The following SEPTIN6 variants were observed in gnomAD, a reference collection of about 807,000 sequenced individuals.
SEPTIN6 encodes the protein septin-6.
Under a neutral mutation model 33.6 loss-of-function variants are expected in SEPTIN6, and 8 were observed. That is an observed-to-expected ratio of 0.24 (90% confidence interval 0.14 to 0.43). SEPTIN6 has a LOEUF of 0.43. Among genes scored for constraint, SEPTIN6 ranks in the 20% least tolerant of loss-of-function variants. The pLI is 1.00. For missense variants in SEPTIN6, 250 were observed against 340.8 expected (o/e 0.73, Z 2.10); for synonymous variants, 131 against 140.0 (o/e 0.94, Z 0.45).
chrX:119,645,236 CTTTTTTTTTTT>C (rs757199588), intron 5 of SEPTIN6, among the ~76,000 whole-genome samples: 1 of 71,170 alleles, frequency 1.4e-5, no homozygotes, highest in Non-Finnish European at 2.5e-5. Context: ...AAGGCCCTAC[CTTTTTTTTTTT>C]TTTTTTTTTT....
intron 1 of SEPTIN6, among the ~76,000 whole-genome samples, chrX:119,679,217 C>T (rs1365276289): frequency 8.9e-6 from 1 of 111,856 alleles, no homozygotes; most frequent in African/African-American, 3.2e-5. Flanking sequence ...GCTGGGATTA[C>T]AGGCATGAGC....
intron 10 of SEPTIN6, among the ~76,000 whole-genome samples, chrX:119,625,122 C>T (rs1160477353): frequency 2.7e-5 from 3 of 111,916 alleles, no homozygotes; most frequent in Non-Finnish European, 5.6e-5. Context: ...TGAAAACGAC[C>T]CCTCACTTTA....
At chrX:119,667,470 A>C (rs181879352) in intron 2 of SEPTIN6, among the ~76,000 whole-genome samples, 34 of 111,619 alleles carry the variant, frequency 3.0e-4, no homozygotes, top group African/African-American at 9.7e-4. Context: ...GTCTGGAAGA[A>C]AAGAACACCC....
intron 2 of SEPTIN6, among the ~76,000 whole-genome samples, chrX:119,667,008 A>G (rs2054652195): frequency 9.0e-6 from 1 of 110,733 alleles, no homozygotes; most frequent in Admixed American, 9.6e-5. Context: ...TCATCTTCCT[A>G]TGTGCCTGAT....
rs2053719018 is a variant in SEPTIN6, at chrX:119,619,834, C to T, written c.*259G>A. 3.8e-6 allele frequency: 4 copies of T among 1,056,882 alleles called. No homozygotes were observed. Among genetic ancestry groups the T allele is most frequent in the Non-Finnish European group, 4.9e-6 (4 of 819,705 alleles). 87.1% of individuals were successfully genotyped at this position (1,056,882 alleles called of 1,213,427 possible). Reference sequence around the variant, plus strand: ...ATGGCTGGGGGTGCTGGGAGGGGGACTGGGATGCAGGATGCATCTGCGAGC... The same window carrying T: ...ATGGCTGGGGGTGCTGGGAGGGGGATTGGGATGCAGGATGCATCTGCGAGC... On this transcript the variant is annotated 3_prime_UTR_variant, in exon 11 of 11. Coordinates refer to ENST00000394610, the MANE Select transcript of SEPTIN6 (RefSeq NM_145799.4).
rs2054325521 is a variant in SEPTIN6 at position 119,649,950 on chromosome X, T to C, written c.677A>G (p.Asn226Ser). Reference sequence around the variant, plus strand: ...GCTCCCACTCACGTTCATGGTTCCATTGATCTCTGCCACCGACTCATCATC... The same window carrying C: ...GCTCCCACTCACGTTCATGGTTCCACTGATCTCTGCCACCGACTCATCATC... ...PTDDESVAEI[N>S]GTMNAHLPFA... Residue 226 changes from asparagine (N) to serine (S), a missense_variant, in exon 5 of 11, where the codon AAT (asparagine) becomes AGT (serine). Coordinates refer to ENST00000394610, the MANE Select transcript of SEPTIN6 (RefSeq NM_145799.4). The C allele has an allele frequency of 1.7e-6, 2 of 1,209,223 alleles. No individual in the cohort carries two copies. Among genetic ancestry groups the C allele is most frequent in the Non-Finnish European group, 1.1e-6 (1 of 894,301 alleles).
intron 2 of SEPTIN6, among the ~76,000 whole-genome samples, chrX:119,669,024 G>C (rs1305933105): frequency 8.9e-6 from 1 of 111,738 alleles, no homozygotes; most frequent in African/African-American, 3.3e-5. Flanking sequence ...TTATGAGTGA[G>C]AACATACAAT....
chrX:119,658,243 T>C, intron 3 of SEPTIN6, among the ~76,000 whole-genome samples: 1 of 112,027 alleles, frequency 8.9e-6, no homozygotes, highest in Non-Finnish European at 1.9e-5. Flanking sequence ...TAGAGAGAAA[T>C]ATTTGTGGTT....
At chrX:119,630,430 A>G (rs1349304872) in intron 8 of SEPTIN6, among the ~76,000 whole-genome samples, 1 of 112,256 alleles carries the variant, frequency 8.9e-6, no homozygotes, top group African/African-American at 3.2e-5. Flanking sequence ...AGTCAAGGAA[A>G]TACTTGGCTT....
intron 9 of SEPTIN6, among the ~76,000 whole-genome samples, chrX:119,625,843 G>A (rs1395483127): frequency 1.8e-5 from 2 of 111,646 alleles, no homozygotes; most frequent in Non-Finnish European, 3.8e-5. Flanking sequence ...GAGCCACCAC[G>A]GCTGGCCAGT....
intron 1 of SEPTIN6, among the ~76,000 whole-genome samples, chrX:119,691,818 G>A (rs1429625011): frequency 1.8e-5 from 2 of 111,935 alleles, no homozygotes; most frequent in East Asian, 5.6e-4. Context: ...CTACAAGGTT[G>A]AAAAACATTT....
chrX:119,683,763 C>T (rs946354308), intron 1 of SEPTIN6, among the ~76,000 whole-genome samples: 24 of 111,110 alleles, frequency 2.2e-4, no homozygotes, highest in Non-Finnish European at 1.1e-4. Flanking sequence ...TATGATGATA[C>T]TTTCCTGGGT....
At position 119,617,809 on chromosome X, in the gene SEPTIN6, G is replaced by A. The variant is rs1187794446; in HGVS notation, c.*2284C>T. On this transcript the variant is annotated 3_prime_UTR_variant, in exon 11 of 11. Coordinates refer to ENST00000394610, the MANE Select transcript of SEPTIN6 (RefSeq NM_145799.4). ...CCTTACGGAGTAAGTAGGTTATATC[G>A]TCTTACTGACTAAAATGTCTCCCTT... 1.0e-5 allele frequency: 8 copies of A among 793,884 alleles called. No individual in the cohort carries two copies. In the Admixed American group the frequency reaches 3.1e-4, roughly 31 times the overall value. 65.4% of individuals were successfully genotyped at this position (793,884 alleles called of 1,213,427 possible). A position where few individuals can be genotyped will look rare whatever the true frequency, so the allele number is the denominator to read the frequency against.
At chrX:119,690,406 T>C (rs1401402435) in intron 1 of SEPTIN6, among the ~76,000 whole-genome samples, 1 of 105,774 alleles carries the variant, frequency 9.5e-6, no homozygotes, top group Non-Finnish European at 1.9e-5. Flanking sequence ...CTTACTCGCA[T>C]GGTACCACGT....
intron 5 of SEPTIN6, among the ~76,000 whole-genome samples, chrX:119,643,393 C>T (rs1423313752): frequency 2.8e-5 from 3 of 105,597 alleles, no homozygotes; most frequent in Non-Finnish European, 3.9e-5. Flanking sequence ...TCTCTGAGCT[C>T]GAGGAAAAAA....
At chrX:119,666,442 T>C (rs756307384) in intron 2 of SEPTIN6, among the ~76,000 whole-genome samples, 2 of 112,289 alleles carry the variant, frequency 1.8e-5, no homozygotes, top group African/African-American at 6.5e-5. Context: ...TCCCAAATAA[T>C]GAGCTATGAA....
chrX:119,657,798 CCACCGCGCT>C (rs1214904976), intron 3 of SEPTIN6, among the ~76,000 whole-genome samples: 1 of 111,870 alleles, frequency 8.9e-6, no homozygotes, highest in Non-Finnish European at 1.9e-5. Flanking sequence ...GAGGTAAGAG[CCACCGCGCT>C]TAACCTAAAT....
At chrX:119,623,599 A>C (rs2053804521) in intron 10 of SEPTIN6, among the ~76,000 whole-genome samples, 1 of 112,228 alleles carries the variant, frequency 8.9e-6, no homozygotes, top group Non-Finnish European at 1.9e-5. Flanking sequence ...GCACTTTGGG[A>C]GGCCAAGGTA....
Position 119,617,587 on chromosome X carries a change from G to A in SEPTIN6, c.*2506C>T, listed in dbSNP as rs1438215775. The A allele has an allele frequency of 2.5e-6, 2 of 801,276 alleles. No individual in the cohort carries two copies. Among genetic ancestry groups the A allele is most frequent in the Non-Finnish European group, 1.5e-6 (1 of 668,996 alleles). 66.0% of individuals were successfully genotyped at this position (801,276 alleles called of 1,213,427 possible). On this transcript the variant is annotated 3_prime_UTR_variant, in exon 11 of 11. Coordinates refer to ENST00000394610, the MANE Select transcript of SEPTIN6 (RefSeq NM_145799.4). ...TTTTTCTGTGGAAAAAAACCTCGAGGGTCTTCTAATACTAACTAGTCAGTT... is the reference window on the plus strand; with the variant it reads ...TTTTTCTGTGGAAAAAAACCTCGAGAGTCTTCTAATACTAACTAGTCAGTT...
Sources: allele counts gnomAD v4.1 joint callset (sites outside exome capture counted in the v4.1 genomes callset), GRCh38; gene constraint gnomAD v4.1.1; transcripts MANE v1.5; gene names NCBI Gene and HGNC (gene_info 2026-07-23, HGNC 2026-07-21).